Variants in KDM4C observed in about 807,000 individuals in gnomAD.
KDM4C encodes lysine-specific demethylase 4C.
KDM4C carries 81 observed loss-of-function variants against 129.3 expected under a neutral mutation model. The observed-to-expected ratio is 0.63, with a 90% CI of 0.52 to 0.75. The LOEUF (loss-of-function observed/expected upper bound fraction) is 0.75, where lower values mean the gene tolerates loss of function less well. Ranked by LOEUF, KDM4C falls within the 30% of genes least tolerant of loss-of-function variation. KDM4C has a pLI of 0.00. For missense variants in KDM4C, 1,457 were observed against 1,304.0 expected (o/e 1.12, Z -1.81); for synonymous variants, 573 against 456.1 (o/e 1.26, Z -3.26).
At chr9:6,818,809 C>T (rs1029400760) in intron 4 of KDM4C, 3 of 152,148 alleles carry the variant, frequency 2.0e-5, no homozygotes, top group Non-Finnish European at 2.9e-5. Context: ...GGCCATGACA[C>T]GCTCTTATCC....
chr9:6,856,533 T>TGTGTGC (rs906309828), intron 5 of KDM4C, among the ~76,000 whole-genome samples: 1 of 126,794 alleles, frequency 7.9e-6, no homozygotes, highest in Non-Finnish European at 1.6e-5. Flanking sequence ...TATCTCTCTC[T>TGTGTGC]GTGTGCGTGT....
At chr9:7,058,554 G>C (rs1831191278) in intron 17 of KDM4C, among the ~76,000 whole-genome samples, 1 of 152,120 alleles carries the variant, frequency 6.6e-6, no homozygotes, top group African/African-American at 2.4e-5. Flanking sequence ...TGTTGAAAAT[G>C]GCTGGCACTT....
intron 12 of KDM4C, among the ~76,000 whole-genome samples, chr9:7,006,484 G>C (rs1821695666): frequency 6.6e-6 from 1 of 152,082 alleles, no homozygotes; most frequent in South Asian, 2.1e-4. Context: ...ATGGTCCTGA[G>C]GAGTGGGCGG....
chr9:6,939,960 ACC>A (rs1825556660), intron 8 of KDM4C, among the ~76,000 whole-genome samples: 1 of 76,152 alleles, frequency 1.3e-5, no homozygotes, highest in African/African-American at 3.6e-5. Context: ...CCAATAACCA[ACC>A]TACCTACCTA....
intron 4 of KDM4C, chr9:6,834,514 G>C (rs1835499620): frequency 3.1e-6 from 2 of 653,074 alleles, no homozygotes; most frequent in African/African-American, 1.8e-5. Flanking sequence ...TGGAAGGCTG[G>C]CTTCGCAGGT....
At chr9:6,878,163 G>C (rs980337529) in intron 5 of KDM4C, among the ~76,000 whole-genome samples, 6 of 152,118 alleles carry the variant, frequency 3.9e-5, no homozygotes, top group African/African-American at 1.5e-4. Context: ...TCAGTTTGAG[G>C]ATTTAGTTCT....
At chr9:6,812,809 A>C (rs116068414) in intron 3 of KDM4C, among the ~76,000 whole-genome samples, 1,622 of 152,282 alleles carry the variant, frequency 0.011, 28 homozygotes, top group African/African-American at 0.037. Flanking sequence ...TCCCGATACT[A>C]CTGGAACCTA....
At chr9:7,032,819 T>G (rs1827001763) in intron 15 of KDM4C, among the ~76,000 whole-genome samples, 2 of 152,188 alleles carry the variant, frequency 1.3e-5, no homozygotes, top group South Asian at 4.1e-4. Flanking sequence ...TAGTTTTTGT[T>G]TGTTTACATT....
rs1416542326 is a variant in KDM4C, at chr9:6,959,992, C to A, written c.922-20933C>A. 6.6e-5 allele frequency among the ~76,000 whole-genome samples: 10 copies of A among 152,124 alleles called. No individual in the cohort carries two copies. The South Asian group carries it at 1.9e-3, about 28-fold the overall frequency. On this transcript the variant is annotated intron_variant, in intron 8 of 21. Coordinates refer to ENST00000381309, the MANE Select transcript of KDM4C (RefSeq NM_015061.6). ...GTGTAGCCCGTATGAAAAGCTGTTACATCCAGTGAATGCTTGTAGATACAG... is the reference window on the plus strand; with the variant it reads ...GTGTAGCCCGTATGAAAAGCTGTTAAATCCAGTGAATGCTTGTAGATACAG...
upstream of KDM4C, among the ~76,000 whole-genome samples, chr9:6,754,513 C>A (rs966051440): frequency 2.0e-5 from 3 of 152,066 alleles, no homozygotes; most frequent in Admixed American, 6.6e-5. Context: ...GTGCCCAGCT[C>A]AATTATTTAT....
chr9:6,981,488 T>G (rs1310777448), intron 9 of KDM4C, among the ~76,000 whole-genome samples: 1 of 152,194 alleles, frequency 6.6e-6, no homozygotes, highest in African/African-American at 2.4e-5. Flanking sequence ...GCTTTTTGGC[T>G]TTAGTGGTTA....
At chr9:7,132,620 C>T (rs912511576) in intron 19 of KDM4C, among the ~76,000 whole-genome samples, 4 of 152,200 alleles carry the variant, frequency 2.6e-5, no homozygotes, top group African/African-American at 9.7e-5. Context: ...TTGGGACACA[C>T]TTCTGATGAA....
chr9:6,757,232 C>A (rs1259745042), upstream of KDM4C, among the ~76,000 whole-genome samples: 7 of 152,174 alleles, frequency 4.6e-5, no homozygotes, highest in Non-Finnish European at 7.3e-5. Flanking sequence ...CTAGTCACTT[C>A]AGTTCTGGCC....
intron 4 of KDM4C, among the ~76,000 whole-genome samples, chr9:6,826,153 T>C (rs1833832123): frequency 6.6e-6 from 1 of 152,070 alleles, no homozygotes; most frequent in Non-Finnish European, 1.5e-5. Context: ...ATGTTTTATA[T>C]ATTTCTTCTT....
chr9:7,145,805 A>G (rs911648976), intron 19 of KDM4C, among the ~76,000 whole-genome samples: 6 of 152,252 alleles, frequency 3.9e-5, no homozygotes, highest in Non-Finnish European at 8.8e-5. Context: ...AGTCTTCTCA[A>G]ATCCAAACAA....
At chr9:6,763,788 G>A (rs532696154) in intron 1 of KDM4C, among the ~76,000 whole-genome samples, 7 of 152,162 alleles carry the variant, frequency 4.6e-5, no homozygotes, top group African/African-American at 1.2e-4. Context: ...ATAGAGTTTC[G>A]CTCTTGTTGC....
intron 19 of KDM4C, among the ~76,000 whole-genome samples, chr9:7,155,454 C>G (rs952969545): frequency 1.3e-5 from 2 of 151,960 alleles, no homozygotes; most frequent in African/African-American, 4.8e-5. Context: ...GTTTGCTGCA[C>G]CCATCAACTC....
intron 6 of KDM4C, among the ~76,000 whole-genome samples, chr9:6,886,516 G>T (rs1442727322): frequency 1.4e-5 from 2 of 146,362 alleles, no homozygotes; most frequent in African/African-American, 5.0e-5. Flanking sequence ...TTTTTTTGAG[G>T]AGTCTTACTC....
At chr9:7,027,752 G>C (rs1249863985) in intron 15 of KDM4C, among the ~76,000 whole-genome samples, 1 of 152,204 alleles carries the variant, frequency 6.6e-6, no homozygotes, top group African/African-American at 2.4e-5. Flanking sequence ...AGAAACCTTA[G>C]AAGTCTTTCT....
Sources: allele counts gnomAD v4.1 joint callset (sites outside exome capture counted in the v4.1 genomes callset), GRCh38; gene constraint gnomAD v4.1.1; transcripts MANE v1.5; gene names NCBI Gene and HGNC (gene_info 2026-07-23, HGNC 2026-07-21).